Variants in ACO1 observed in about 807,000 individuals in gnomAD.
ACO1 encodes cytoplasmic aconitate hydratase.
In ACO1, 78 loss-of-function variants were observed where a neutral mutation model predicts 105.1. That is an observed-to-expected ratio of 0.74 (90% CI 0.62 to 0.90). The LOEUF is 0.90. Among genes scored for constraint, ACO1 ranks in the 40% least tolerant of loss-of-function variants. The pLI, the probability that ACO1 is intolerant of heterozygous loss-of-function variation, is 0.00. For synonymous variants in ACO1, 364 were observed against 397.4 expected (o/e 0.92, Z 1.00); for missense variants, 965 against 1,111.1 (o/e 0.87, Z 1.87).
intron 15 of ACO1, among the ~76,000 whole-genome samples, chr9:32,432,197 G>A (rs116361429): frequency 2.0e-5 from 3 of 152,092 alleles, no homozygotes; most frequent in African/African-American, 7.2e-5. Context: ...ACTAAGTGGA[G>A]TCCATTGGTC....
At position 32,423,028 on chromosome 9, in the gene ACO1, G is replaced by A. The variant is rs1428837764; in HGVS notation, c.971-291G>A. On this transcript the variant is annotated intron_variant, in intron 8 of 20. Transcript: ENST00000309951. ...AGGTGTAAGATTCTCCTAATTAAAG[G>A]CTATACCCCAAAAGAGGCGGGTTAT... Among the ~76,000 whole-genome samples, 6 of 152,170 alleles carry A rather than the reference G, an allele frequency of 3.9e-5. 1 individual carries two copies. The highest frequency in any genetic ancestry group is 2.9e-5 in the Non-Finnish European group (2 of 68,030).
intron 19 of ACO1, among the ~76,000 whole-genome samples, chr9:32,441,179 C>G (rs576519650): frequency 1.3e-5 from 2 of 152,314 alleles, no homozygotes; most frequent in South Asian, 4.1e-4. Flanking sequence ...TCACTCTGCA[C>G]ATACCCAGGC....
At chr9:32,395,263 G>A (rs938430733) in intron 1 of ACO1, among the ~76,000 whole-genome samples, 2 of 152,160 alleles carry the variant, frequency 1.3e-5, no homozygotes, top group Non-Finnish European at 1.5e-5. Flanking sequence ...ATCACTTGAG[G>A]TCAGAAGTTT....
At chr9:32,401,021 A>G (rs1340064003) in intron 1 of ACO1, among the ~76,000 whole-genome samples, 1 of 151,504 alleles carries the variant, frequency 6.6e-6, no homozygotes, top group Non-Finnish European at 1.5e-5. Flanking sequence ...TAAAATTCTC[A>G]TATCATTTAA....
At chr9:32,445,526 G>A (rs1364711197) in intron 19 of ACO1, 1 of 228,078 alleles carries the variant, frequency 4.4e-6, no homozygotes, top group Non-Finnish European at 9.0e-6. Context: ...AGTCTGGCTA[G>A]CAGTCTGTTT....
Position 32,439,505 on chromosome 9 carries a change from T to C in ACO1, c.2248-960T>C, listed in dbSNP as rs1822433275. Among the ~76,000 whole-genome samples, 1 of 152,240 alleles carries C rather than the reference T, an allele frequency of 6.6e-6. No homozygotes were observed. The highest frequency in any genetic ancestry group is 2.1e-4 in the South Asian group (1 of 4,834). ...ACATAGCCTGGAAAAATAATGGTAC[T>C]GCTCAACCACCAGAGATGATATCAT... On this transcript the variant is annotated intron_variant, in intron 18 of 20. Coordinates refer to ENST00000309951, the MANE Select transcript of ACO1 (RefSeq NM_002197.3). This position sits in a 1 kb window ranked among gnomAD's most constrained non-coding sequence, Gnocchi z 4.0.
intron 1 of ACO1, among the ~76,000 whole-genome samples, chr9:32,391,867 G>T (rs1821274069): frequency 6.6e-6 from 1 of 152,198 alleles, no homozygotes; most frequent in Non-Finnish European, 1.5e-5. Flanking sequence ...GCTATGATGG[G>T]TGGACATTTG....
intron 4 of ACO1, among the ~76,000 whole-genome samples, chr9:32,410,911 C>T (rs1412765099): frequency 1.3e-5 from 2 of 152,174 alleles, no homozygotes; most frequent in African/African-American, 4.8e-5. Flanking sequence ...AGGTTGGGAG[C>T]TTACACTGAA....
chr9:32,416,586 G>A (rs996551353), intron 4 of ACO1, among the ~76,000 whole-genome samples: 4 of 152,082 alleles, frequency 2.6e-5, no homozygotes, highest in African/African-American at 9.7e-5. Context: ...AAGTGCTCCC[G>A]TACCAGGCAG....
chr9:32,426,059 C>T, intron 11 of ACO1, 62 bp downstream of exon 11: 3 of 1,538,176 alleles, frequency 2.0e-6, no homozygotes, highest in Non-Finnish European at 2.7e-6. Flanking sequence ...TAGCCCGAGA[C>T]AGGGCCCAGG....
chr9:32,447,638 G>C (rs1377853865), intron 19 of ACO1, among the ~76,000 whole-genome samples: 2 of 152,178 alleles, frequency 1.3e-5, no homozygotes, highest in East Asian at 3.9e-4. Flanking sequence ...CTTTGGAGGA[G>C]AAGAGCCATT....
chr9:32,410,535 G>C (rs949044592), intron 4 of ACO1, among the ~76,000 whole-genome samples: 2 of 151,942 alleles, frequency 1.3e-5, no homozygotes, highest in African/African-American at 4.8e-5. Flanking sequence ...ACTCCAGCCT[G>C]GGCGACAGAG....
intron 16 of ACO1, 150 bp from the exon 17 acceptor site, chr9:32,434,409 C>T (rs1438755020): frequency 2.7e-5 from 25 of 911,158 alleles, no homozygotes; most frequent in Non-Finnish European, 5.0e-6. Flanking sequence ...TTCTTGGCCT[C>T]TTTGATAAAA....
At chr9:32,443,480 T>G (rs747655195) in intron 19 of ACO1, among the ~76,000 whole-genome samples, 79 of 152,228 alleles carry the variant, frequency 5.2e-4, no homozygotes, top group Non-Finnish European at 5.7e-4. Flanking sequence ...TCACTGTCTA[T>G]GAATCATCTC....
chr9:32,385,129 T>C (rs1333080622), intron 1 of ACO1, among the ~76,000 whole-genome samples: 1 of 152,126 alleles, frequency 6.6e-6, no homozygotes, highest in African/African-American at 2.4e-5. Context: ...AAACCCTTGC[T>C]AAAGTTGTGC....
intron 14 of ACO1, 21 bp downstream of exon 14, chr9:32,430,595 C>A: frequency 6.4e-7 from 1 of 1,570,496 alleles, no homozygotes; most frequent in Non-Finnish European, 8.6e-7. Context: ...GTTTGTGCAG[C>A]CATAATTTTT....
At chr9:32,402,697 G>A (rs1377485115) in intron 1 of ACO1, among the ~76,000 whole-genome samples, 2 of 152,140 alleles carry the variant, frequency 1.3e-5, no homozygotes, top group Non-Finnish European at 2.9e-5. Flanking sequence ...CTCTATATCT[G>A]GACCCATTAC....
intron 1 of ACO1, among the ~76,000 whole-genome samples, chr9:32,396,311 CCACTTTAT>C (rs1490186856): frequency 6.6e-6 from 1 of 152,098 alleles, no homozygotes; most frequent in African/African-American, 2.4e-5. Context: ...CCTACTGTGG[CCACTTTAT>C]CACTGTCTTT....
intron 10 of ACO1, among the ~76,000 whole-genome samples, 191 bp from the exon 11 acceptor site, chr9:32,425,647 G>A (rs1004155348): frequency 1.3e-5 from 2 of 152,180 alleles, no homozygotes; most frequent in Non-Finnish European, 2.9e-5. Flanking sequence ...TTTTTCTGTA[G>A]CATTTCAGAG....
Sources: gnomAD v4.1 joint callset for allele counts (sites outside exome capture counted in the v4.1 genomes callset) on GRCh38, gnomAD v4.1.1 for gene constraint, Gnocchi (gnomAD v3.1) non-coding constraint, MANE v1.5 for transcripts, NCBI Gene and HGNC (gene_info 2026-07-23, HGNC 2026-07-21) for gene names.